Variants in RAB31 observed in about 807,000 individuals in gnomAD.
RAB31 encodes RAB31, member RAS oncogene family, also known as ras-related protein Rab-31.
Under a neutral mutation model 25.6 loss-of-function variants are expected in RAB31, and 21 were observed. The observed-to-expected ratio is 0.82, with a 90% CI of 0.58 to 1.18. RAB31 has a LOEUF of 1.18. RAB31 is among the 50% of genes most tolerant of loss of function. RAB31 has a pLI of 0.00. For missense variants in RAB31, 196 were observed against 250.1 expected, an observed-to-expected ratio of 0.78 and a Z score of 1.46; for synonymous variants, 87 against 84.0, an observed-to-expected ratio of 1.04 and a Z score of -0.20.
intron 2 of RAB31, among the ~76,000 whole-genome samples, chr18:9,785,741 A>C (rs1467543750): frequency 6.6e-6 from 1 of 152,192 alleles, no homozygotes; most frequent in Non-Finnish European, 1.5e-5. Flanking sequence ...CTTTTTGTCC[A>C]ATCACATTTT....
intron 3 of RAB31, among the ~76,000 whole-genome samples, chr18:9,811,145 G>T (rs2068568240): frequency 6.6e-6 from 1 of 152,192 alleles, no homozygotes; most frequent in Non-Finnish European, 1.5e-5. Context: ...TCTGGAATGG[G>T]GGCAGTGGGT....
In RAB31 at chr18:9,772,830, C is replaced by T. The variant is rs191000694; in HGVS notation, c.40-2448C>T. Among the ~76,000 whole-genome samples, 256 of 152,156 alleles carry T rather than the reference C, an allele frequency of 1.7e-3. 1 individual carries two copies. Among genetic ancestry groups the T allele is most frequent in the Non-Finnish European group, 2.9e-3 (197 of 68,012 alleles). On this transcript the variant is annotated intron_variant, in intron 1 of 6. Transcript: ENST00000578921. ...GTCACAGTTCCTCAGTGTCCAGTTTCTTGGGGGCTACGTGGGCTACAGTCT... is the reference window on the plus strand; with the variant it reads ...GTCACAGTTCCTCAGTGTCCAGTTTTTTGGGGGCTACGTGGGCTACAGTCT...
chr18:9,712,730 GTGCACTTAAAAAC>G (rs2068024016), intron 1 of RAB31, among the ~76,000 whole-genome samples: 1 of 870 alleles, frequency 1.1e-3, no homozygotes, highest in African/African-American at 0.02. Flanking sequence ...ATTTGTGTGC[GTGCACTTAAAAAC>G]TGCGTGCACT....
chr18:9,738,750 AC>A, intron 1 of RAB31, among the ~76,000 whole-genome samples: 1 of 152,132 alleles, frequency 6.6e-6, no homozygotes, highest in East Asian at 1.9e-4. Flanking sequence ...GGTCATGGGA[AC>A]CCTGATTTGC....
intron 6 of RAB31, among the ~76,000 whole-genome samples, chr18:9,846,548 T>C (rs1489237995): frequency 6.6e-6 from 1 of 152,170 alleles, no homozygotes; most frequent in South Asian, 2.1e-4. Context: ...GTTCCTGGAA[T>C]AGCCACCTTA....
chr18:9,816,315 GA>G (rs1336863812), intron 5 of RAB31, among the ~76,000 whole-genome samples: 1 of 152,224 alleles, frequency 6.6e-6, no homozygotes, highest in Non-Finnish European at 1.5e-5. Context: ...ACCATACAAT[GA>G]TAAATGTTCA....
intron 6 of RAB31, 125 bp downstream of exon 6, chr18:9,845,816 A>G (rs2068759069): frequency 7.3e-7 from 1 of 1,360,980 alleles, no homozygotes; most frequent in Non-Finnish European, 9.6e-7. Context: ...TGCCATGGAT[A>G]CAAAATCTAC....
chr18:9,711,633 C>T (rs1428400998), intron 1 of RAB31, among the ~76,000 whole-genome samples: 3 of 152,186 alleles, frequency 2.0e-5, no homozygotes, highest in Admixed American at 6.5e-5. Flanking sequence ...TTGTGCTTTG[C>T]GTAGGGAGGT....
At chr18:9,767,640 C>T (rs1012835247) in intron 1 of RAB31, among the ~76,000 whole-genome samples, 16 of 152,182 alleles carry the variant, frequency 1.1e-4, no homozygotes, top group Admixed American at 5.9e-4. Context: ...GAATTGATTA[C>T]TGATGTCTGC....
At chr18:9,835,829 A>G (rs184061156) in intron 5 of RAB31, among the ~76,000 whole-genome samples, 4 of 152,218 alleles carry the variant, frequency 2.6e-5, no homozygotes, top group Non-Finnish European at 4.4e-5. Flanking sequence ...TGCTTTAATT[A>G]TTGTTAAAAT....
Position 9,812,099 on chromosome 18 carries a change from A to G in RAB31, c.202-1921A>G, listed in dbSNP as rs552689308. ...GGGGCAGGGCAGGGAGAGAAGGGAGATCTGGTCTCCTTCTCTCCTTATAAG... is the reference window on the plus strand; with the variant it reads ...GGGGCAGGGCAGGGAGAGAAGGGAGGTCTGGTCTCCTTCTCTCCTTATAAG... On this transcript the variant is annotated intron_variant, in intron 3 of 6. Coordinates refer to ENST00000578921, the MANE Select transcript of RAB31 (RefSeq NM_006868.4). 3.9e-5 allele frequency among the ~76,000 whole-genome samples: 6 copies of G among 152,236 alleles called. No individual in the cohort carries two copies. The South Asian group carries it at 1.0e-3, about 26-fold the overall frequency.
chr18:9,839,966 G>A (rs1011356784), intron 5 of RAB31, among the ~76,000 whole-genome samples: 2 of 152,198 alleles, frequency 1.3e-5, no homozygotes, highest in African/African-American at 4.8e-5. Flanking sequence ...CGGCTCAGGA[G>A]GGACTCCAGC....
At position 9,708,590 on chromosome 18, in the gene RAB31, C is replaced by A; in HGVS notation, c.39+146C>A. 1 of 673,166 alleles carries A rather than the reference C, an allele frequency of 1.5e-6. No individual in the cohort carries two copies. The highest frequency in any genetic ancestry group is 2.3e-6 in the Non-Finnish European group (1 of 443,474). The allele number at this position is 673,166 out of a possible 1,614,324, so 41.7% of individuals were successfully genotyped here. A position where few individuals can be genotyped will look rare whatever the true frequency, so the allele number is the denominator to read the frequency against. On this transcript the variant is annotated intron_variant, in intron 1 of 6. Coordinates refer to ENST00000578921, the MANE Select transcript of RAB31 (RefSeq NM_006868.4). This position sits in a 1 kb window ranked among gnomAD's most constrained non-coding sequence, Gnocchi z 6.4. Reference sequence around the variant, plus strand: ...CCCCGTCCCCCTCGTCCGCGCGCCCCCTGGTTCCCCGGGTCCCCCTGGCTC... The same window carrying A: ...CCCCGTCCCCCTCGTCCGCGCGCCCACTGGTTCCCCGGGTCCCCCTGGCTC...
intron 1 of RAB31, among the ~76,000 whole-genome samples, chr18:9,763,834 T>C (rs2068301156): frequency 6.6e-6 from 1 of 152,190 alleles, no homozygotes; most frequent in Non-Finnish European, 1.5e-5. Flanking sequence ...TCTTTGCTCC[T>C]GTGGAAGATT....
intron 5 of RAB31, among the ~76,000 whole-genome samples, chr18:9,823,563 A>G (rs1214652967): frequency 6.6e-6 from 1 of 152,194 alleles, no homozygotes; most frequent in African/African-American, 2.4e-5. Flanking sequence ...TTACAACTGC[A>G]TGTAAACGAA....
At chr18:9,812,875 T>C (rs993954137) in intron 3 of RAB31, among the ~76,000 whole-genome samples, 1 of 152,044 alleles carries the variant, frequency 6.6e-6, no homozygotes, top group African/African-American at 2.4e-5. Flanking sequence ...TTTTTGTATT[T>C]TTAGTTGAGA....
At chr18:9,758,006 T>C (rs1195255355) in intron 1 of RAB31, 1 of 152,296 alleles carries the variant, frequency 6.6e-6, no homozygotes, top group African/African-American at 2.4e-5. Flanking sequence ...TAAATCTTGC[T>C]GTAAAGCAGT....
At chr18:9,743,977 G>T (rs775559510) in intron 1 of RAB31, among the ~76,000 whole-genome samples, 1 of 152,218 alleles carries the variant, frequency 6.6e-6, no homozygotes, top group African/African-American at 2.4e-5. Flanking sequence ...CCCTGTAGGC[G>T]CAGTGGGTGC....
At chr18:9,857,585 C>T (rs1384785677) in intron 6 of RAB31, among the ~76,000 whole-genome samples, 1 of 151,712 alleles carries the variant, frequency 6.6e-6, no homozygotes, top group African/African-American at 2.4e-5. Flanking sequence ...ACCAATTTCC[C>T]TTCCACTTCT....
Sources: gnomAD v4.1 joint callset for allele counts (sites outside exome capture counted in the v4.1 genomes callset) on GRCh38, gnomAD v4.1.1 for gene constraint, Gnocchi (gnomAD v3.1) non-coding constraint, MANE v1.5 for transcripts, NCBI Gene and HGNC (gene_info 2026-07-23, HGNC 2026-07-21) for gene names.